Variants in GABRE observed in about 807,000 individuals in gnomAD.
The protein encoded by GABRE is gamma-aminobutyric acid receptor subunit epsilon.
GABRE carries 20 observed loss-of-function variants against 31.0 expected under a neutral mutation model. The ratio of observed to expected loss-of-function variants is 0.64; its 90% CI spans 0.45 to 0.94. The LOEUF (loss-of-function observed/expected upper bound fraction) is 0.94. Ranked by LOEUF, GABRE falls within the 40% of genes least tolerant of loss-of-function variation. The probability of loss-of-function intolerance (pLI) is 0.00; values close to 1 mark genes in which losing one functional copy is unlikely to be tolerated. For missense variants in GABRE, 420 were observed against 410.7 expected (o/e 1.02, Z -0.20); for synonymous variants, 155 against 150.6 (o/e 1.03, Z -0.21).
At chrX:151,967,172 C>T (rs189667717) in intron 3 of GABRE, among the ~76,000 whole-genome samples, 1 of 111,851 alleles carries the variant, frequency 8.9e-6, no homozygotes, top group African/African-American at 3.3e-5. Flanking sequence ...CTCCACTCCA[C>T]CTAAGGAAAT....
intron 1 of GABRE, 61 bp downstream of exon 1, chrX:151,974,505 GTCCC>G: frequency 2.9e-6 from 2 of 692,587 alleles, no homozygotes; most frequent in Non-Finnish European, 4.1e-6. Flanking sequence ...CCCGGGAGCC[GTCCC>G]GGCTCCCGGG....
intron 5 of GABRE, among the ~76,000 whole-genome samples, chrX:151,960,722 T>C (rs944190505): frequency 7.2e-5 from 8 of 111,645 alleles, no homozygotes; most frequent in African/African-American, 2.6e-4. Flanking sequence ...CAGAATTAAA[T>C]TAATGCAGGT....
rs1202208510 is a variant in GABRE, at chrX:151,953,518, G to A, written c.*1183C>T. The A allele has an allele frequency of 8.9e-6, 1 of 111,982 alleles. No individual in the cohort carries two copies. The highest frequency in any genetic ancestry group is 1.9e-5 in the Non-Finnish European group (1 of 53,162). The allele number at this position is 111,982 out of a possible 1,213,427, so 9.2% of individuals were successfully genotyped here. ...AGTCCCACAGAAATCTGTGACTCAG[G>A]GTTTTCATCTGCAAAATGGGGATAA... On this transcript the variant is annotated 3_prime_UTR_variant, in exon 9 of 9. Coordinates refer to ENST00000370328, the MANE Select transcript of GABRE (RefSeq NM_004961.4).
At position 151,954,062 on chromosome X, in the gene GABRE, C is replaced by T. The variant is rs1283235525; in HGVS notation, c.*639G>A. The T allele has an allele frequency of 8.9e-6, 1 of 111,838 alleles. No individual in the cohort carries two copies. The highest frequency in any genetic ancestry group is 1.9e-5 in the Non-Finnish European group (1 of 53,167). 9.2% of individuals were successfully genotyped at this position (111,838 alleles called of 1,213,427 possible). On this transcript the variant is annotated 3_prime_UTR_variant, in exon 9 of 9. Transcript: ENST00000370328. Reference sequence around the variant, plus strand: ...AGCAGCAGAGAGAGAGGAATGCTGTCCCAAATAGGCTCTCTTGCTGCCCCC... The same window carrying T: ...AGCAGCAGAGAGAGAGGAATGCTGTTCCAAATAGGCTCTCTTGCTGCCCCC...
At chrX:151,971,671 G>A (rs923086289) in intron 1 of GABRE, 1 of 115,144 alleles carries the variant, frequency 8.7e-6, no homozygotes, top group Non-Finnish European at 1.8e-5. Flanking sequence ...ACAAACAATG[G>A]GGGTGCACTG....
At chrX:151,959,529 G>A in intron 6 of GABRE, 1 of 382,695 alleles carries the variant, frequency 2.6e-6, no homozygotes, top group Non-Finnish European at 5.1e-6. Flanking sequence ...AGAGGTCAGA[G>A]TTGTAACCTC....
chrX:151,973,114 A>C (rs1456920901), intron 1 of GABRE, among the ~76,000 whole-genome samples: 1 of 110,875 alleles, frequency 9.0e-6, no homozygotes. Flanking sequence ...ACTGTGCCCC[A>C]AGTCACACAA....
chrX:151,957,560 G>T (rs1339690363), intron 6 of GABRE: 2 of 295,673 alleles, frequency 6.8e-6, no homozygotes, highest in African/African-American at 2.8e-5. Context: ...ATATATTCTT[G>T]TTGCACGAAG....
chrX:151,964,119 CTT>C (rs3216394), intron 3 of GABRE, among the ~76,000 whole-genome samples: 1 of 109,526 alleles, frequency 9.1e-6, no homozygotes, highest in Non-Finnish European at 1.9e-5. Flanking sequence ...ATTAGTCTCA[CTT>C]TTTTTTTTCT....
At chrX:151,974,521 A>G in intron 1 of GABRE, 49 bp downstream of exon 1, 3 of 697,502 alleles carry the variant, frequency 4.3e-6, no homozygotes, top group Non-Finnish European at 6.1e-6. Flanking sequence ...GCTCCCGGGG[A>G]GAGGGAGCTG....
chrX:151,969,601 A>C (rs1934624767), intron 3 of GABRE, 68 bp downstream of exon 3: 1 of 1,043,033 alleles, frequency 9.6e-7, no homozygotes, highest in Non-Finnish European at 1.3e-6. Context: ...AGAAAGCAGA[A>C]GTCTGTGGAA....
Position 151,955,563 on chromosome X carries a change from G to A in GABRE, c.942C>T (p.Ile314=), listed in dbSNP as rs779576822. 1 of 1,209,164 alleles carries A rather than the reference G, an allele frequency of 8.3e-7. No individual in the cohort carries two copies. The highest frequency in any genetic ancestry group is 1.8e-5 in the South Asian group (1 of 56,813). ...ESAPARTSLG[I]TSVLTMTTLG... ...ACGTGGTCATGGTCAGAACAGAGGT[G>A]ATCCCTGCAAGAGCACAAGAGTGAT... The change falls in exon 8 of 9, where the codon ATC becomes ATT. Residue 314 remains isoleucine, a synonymous_variant. Transcript: ENST00000370328.
intron 1 of GABRE, among the ~76,000 whole-genome samples, chrX:151,974,012 G>A (rs765280348): frequency 5.5e-4 from 61 of 111,173 alleles, no homozygotes; most frequent in African/African-American, 2.0e-3. Flanking sequence ...AGGAGCAGCG[G>A]CATGGGAAGC....
intron 1 of GABRE, 51 bp from the exon 2 acceptor site, chrX:151,970,453 C>T (rs1000298130): frequency 2.6e-6 from 3 of 1,160,305 alleles, no homozygotes; most frequent in Non-Finnish European, 2.3e-6. Context: ...CTGTAGGGGC[C>T]CCAGCTAGTG....
chrX:151,970,866 T>C (rs1361256794), intron 1 of GABRE, among the ~76,000 whole-genome samples: 4 of 110,677 alleles, frequency 3.6e-5, no homozygotes, highest in Non-Finnish European at 7.6e-5. Context: ...TGTGGGAATA[T>C]TTTGCGGTTT....
At chrX:151,962,692 G>A (rs1189305173) in intron 3 of GABRE, 49 bp from the exon 4 acceptor site, 2 of 1,020,406 alleles carry the variant, frequency 2.0e-6, no homozygotes. Context: ...ACAGAAAAAG[G>A]ACATTCACAT....
At chrX:151,958,470 T>A (rs1934248016) in intron 6 of GABRE, 1 of 316,882 alleles carries the variant, frequency 3.2e-6, no homozygotes, top group Non-Finnish European at 6.1e-6. Flanking sequence ...TCAACTAGTC[T>A]CCAGCAGAGG....
In GABRE at chrX:151,954,286, G is replaced by T. The variant is rs1934058651; in HGVS notation, c.*415C>A. 7.9e-6 allele frequency: 1 copy of T among 125,993 alleles called. No individual in the cohort carries two copies. The highest frequency in any genetic ancestry group is 1.6e-5 in the Non-Finnish European group (1 of 62,510). The allele number at this position is 125,993 out of a possible 1,213,427, so 10.4% of individuals were successfully genotyped here. A position where few individuals can be genotyped will look rare whatever the true frequency, so the allele number is the denominator to read the frequency against. ...GCACTTTGAGGCTGAGGCCAGAACT[G>T]GGCCGAAAGCACTACAAAGGCAATA... On this transcript the variant is annotated 3_prime_UTR_variant, in exon 9 of 9. Transcript: ENST00000370328.
chrX:151,961,509 A>G, intron 4 of GABRE, 144 bp from the exon 5 acceptor site: 1 of 445,689 alleles, frequency 2.2e-6, no homozygotes, highest in Admixed American at 3.9e-5. Context: ...TCTGTCACCC[A>G]GGCTGGAGGG....
Sources: allele counts gnomAD v4.1 joint callset (sites outside exome capture counted in the v4.1 genomes callset), GRCh38; gene constraint gnomAD v4.1.1; transcripts MANE v1.5; gene names NCBI Gene and HGNC (gene_info 2026-07-23, HGNC 2026-07-21).